Variants in PTAR1 observed in about 807,000 individuals in gnomAD.
PTAR1 encodes the protein protein prenyltransferase alpha subunit repeat containing 1, also known as protein prenyltransferase alpha subunit repeat-containing protein 1.
A neutral mutation model predicts 45.5 loss-of-function variants in PTAR1; 17 were observed. The observed-to-expected ratio is 0.37, with a 90% CI of 0.26 to 0.56. The LOEUF is 0.56. Among genes scored for constraint, PTAR1 ranks in the 20% least tolerant of loss-of-function variants. The pLI is 0.77. For synonymous variants in PTAR1, 169 were observed against 171.3 expected (o/e 0.99, Z 0.11); for missense variants, 391 against 476.3 (o/e 0.82, Z 1.67).
chr9:69,732,419 T>C, intron 4 of PTAR1, 67 bp from the exon 5 acceptor site: 1 of 1,130,324 alleles, frequency 8.8e-7, no homozygotes. Flanking sequence ...AATAACCAGT[T>C]TTCATTGTTC....
chr9:69,746,170 T>G (rs1198207193), intron 2 of PTAR1, among the ~76,000 whole-genome samples: 1 of 152,158 alleles, frequency 6.6e-6, no homozygotes, highest in African/African-American at 2.4e-5. Flanking sequence ...AGGGGTAAAG[T>G]GCAATGACAG....
At chr9:69,738,235 A>G (rs1825879956) in intron 3 of PTAR1, among the ~76,000 whole-genome samples, 1 of 152,210 alleles carries the variant, frequency 6.6e-6, no homozygotes, top group South Asian at 2.1e-4. Flanking sequence ...CCAAAGAGGT[A>G]AAGTGACATT....
intron 5 of PTAR1, among the ~76,000 whole-genome samples, chr9:69,724,582 C>G (rs7047336): frequency 6.6e-6 from 1 of 151,594 alleles, no homozygotes; most frequent in Admixed American, 6.6e-5. Flanking sequence ...AATGCCTTCT[C>G]CTGTACCATG....
intron 1 of PTAR1, among the ~76,000 whole-genome samples, chr9:69,752,164 T>C (rs1826562534): frequency 6.6e-6 from 1 of 152,032 alleles, no homozygotes; most frequent in Non-Finnish European, 1.5e-5. Context: ...AATGAACTGG[T>C]TTTCAGAGTT....
intron 5 of PTAR1, 55 bp downstream of exon 5, chr9:69,732,084 C>A: frequency 1.5e-6 from 2 of 1,291,158 alleles, no homozygotes; most frequent in Admixed American, 3.9e-5. Flanking sequence ...GAACTACTAC[C>A]AGAAGATTTT....
In PTAR1 at chr9:69,718,568, G is replaced by C. The variant is rs1388913173; in HGVS notation, c.983C>G (p.Ala328Gly). ...CATTGCTTGAGACAGCTGGGAGCCT[G>C]CTGGGATAAGGTGCAAGTCACTCAA... is the stretch of plus-strand genomic sequence containing the variant. Reference protein sequence around the residue: ...HIFYLQHHLNAGSQLSQAMEV... With the variant: ...HIFYLQHHLNGGSQLSQAMEV... The change falls in exon 8 of 8, where the codon GCA (alanine) becomes GGA (glycine). Residue 328 changes from alanine (A) to glycine (G), a missense_variant and splice_region_variant. Physicochemically the swap from Ala to Gly is moderately conservative, Grantham distance 60 (BLOSUM62 0). Around this residue, in one of 5 missense-constraint regions of PTAR1, gnomAD observed 181 missense variants for 227.7 expected, o/e 0.80. Coordinates refer to ENST00000340434, the MANE Select transcript of PTAR1 (RefSeq NM_001099666.2). The C allele has an allele frequency of 6.2e-7, 1 of 1,613,584 alleles. No homozygotes were observed. Among genetic ancestry groups the C allele is most frequent in the African/African-American group, 1.3e-5 (1 of 74,926 alleles).
rs1488198777 is a variant in PTAR1, at chr9:69,734,214, C to T, written c.364G>A (p.Asp122Asn). The change falls in exon 4 of 8, where the codon GAT becomes AAT. Residue 122 changes from aspartate (D) to asparagine (N), a missense_variant. Asp to Asn is a conservative substitution (Grantham distance 23, BLOSUM62 1). Coordinates refer to ENST00000340434, the MANE Select transcript of PTAR1 (RefSeq NM_001099666.2). ...ILSGTLNPIKDLHLGKLALTK... is the reference protein window; with the variant it reads ...ILSGTLNPIKNLHLGKLALTK... ...AAGGCGAGTTTTCCCAGATGTAAAT[C>T]CTTAATTGGATTTAAAGTGCCAGAG... 7.0e-7 allele frequency: 1 copy of T among 1,434,766 alleles called. No individual in the cohort carries two copies. The highest frequency in any genetic ancestry group is 1.9e-5 in the Admixed American group (1 of 52,528). 88.9% of individuals were successfully genotyped at this position (1,434,766 alleles called of 1,614,324 possible). A position where few individuals can be genotyped will look rare whatever the true frequency, so the allele number is the denominator to read the frequency against.
chr9:69,721,412 A>C (rs376731281), intron 6 of PTAR1, among the ~76,000 whole-genome samples: 1 of 152,226 alleles, frequency 6.6e-6, no homozygotes, highest in African/African-American at 2.4e-5. Flanking sequence ...AAACAAAAAA[A>C]AGTGGTTTCC....
At chr9:69,741,033 A>T (rs1448538692) in intron 3 of PTAR1, among the ~76,000 whole-genome samples, 1 of 152,214 alleles carries the variant, frequency 6.6e-6, no homozygotes, top group East Asian at 1.9e-4. Context: ...CTCAATAGCC[A>T]CATGTGGCTA....
chr9:69,748,232 G>C (rs2134156994), intron 2 of PTAR1, among the ~76,000 whole-genome samples: 1 of 152,184 alleles, frequency 6.6e-6, no homozygotes, highest in East Asian at 1.9e-4. Context: ...AGAGGAGCAA[G>C]AAAAGATGGC....
chr9:69,743,877 T>C (rs970747047), intron 2 of PTAR1, among the ~76,000 whole-genome samples: 1 of 152,146 alleles, frequency 6.6e-6, no homozygotes, highest in Non-Finnish European at 1.5e-5. Context: ...GCAAAATAAT[T>C]ATGAAGTAGA....
intron 1 of PTAR1, 45 bp from the exon 2 acceptor site, chr9:69,750,995 A>G (rs1371529022): frequency 1.6e-6 from 2 of 1,289,950 alleles, no homozygotes; most frequent in Admixed American, 5.6e-5. Flanking sequence ...AAGGATACTA[A>G]CCTTTTCAAC....
chr9:69,723,468 G>C lies in PTAR1; in HGVS notation c.805C>G (p.Leu269Val). The change falls in exon 6 of 8, where the codon CTA (leucine) becomes GTA (valine). Residue 269 changes from leucine (L) to valine (V), a missense_variant. Leu to Val is a conservative substitution (Grantham distance 32). Coordinates refer to ENST00000340434, the MANE Select transcript of PTAR1 (RefSeq NM_001099666.2). ...EQNPLRSEPA[L>V]VPPKDEEAAV... ...GCTTCTTCATCTTTTGGAGGAACTA[G>C]GGCTGGCTCACTTCTCAAAGGATTT... 6.2e-7 allele frequency: 1 copy of C among 1,613,854 alleles called. No homozygotes were observed. The highest frequency in any genetic ancestry group is 8.5e-7 in the Non-Finnish European group (1 of 1,179,840).
chr9:69,756,599 C>T (rs572944894), intron 1 of PTAR1, among the ~76,000 whole-genome samples: 1 of 152,138 alleles, frequency 6.6e-6, no homozygotes, highest in Non-Finnish European at 1.5e-5. Flanking sequence ...CCACACTTTG[C>T]TTGTTTAGGT....
chr9:69,749,812 C>A (rs948702959), intron 2 of PTAR1, among the ~76,000 whole-genome samples: 3 of 152,202 alleles, frequency 2.0e-5, no homozygotes, highest in South Asian at 2.1e-4. Flanking sequence ...TGTAAGCTTC[C>A]TGAATAAAGG....
intron 5 of PTAR1, among the ~76,000 whole-genome samples, chr9:69,728,284 G>T (rs1017531985): frequency 6.6e-6 from 1 of 151,986 alleles, no homozygotes; most frequent in East Asian, 1.9e-4. Flanking sequence ...CTTCTCTTGG[G>T]TATATACCTA....
At chr9:69,724,985 A>G (rs939374055) in intron 5 of PTAR1, among the ~76,000 whole-genome samples, 1 of 152,202 alleles carries the variant, frequency 6.6e-6, no homozygotes, top group Non-Finnish European at 1.5e-5. Context: ...AGTATCTGAG[A>G]AATGGAAAAC....
At chr9:69,724,774 C>T (rs1247005793) in intron 5 of PTAR1, among the ~76,000 whole-genome samples, 2 of 152,172 alleles carry the variant, frequency 1.3e-5, no homozygotes, top group African/African-American at 4.8e-5. Flanking sequence ...ATACTTCAAT[C>T]CCCCTATACC....
Position 69,741,874 on chromosome 9 carries a change from G to A in PTAR1, c.257-16C>T. 6.5e-7 allele frequency: 1 copy of A among 1,539,560 alleles called. No individual in the cohort carries two copies. The highest frequency in any genetic ancestry group is 1.4e-5 in the African/African-American group (1 of 73,404). Reference sequence around the variant, plus strand: ...TCTATCAATTCTAAAATAAAGAGAAGTCATATTAAAAACAAATAGTCCTAC... The same window carrying A: ...TCTATCAATTCTAAAATAAAGAGAAATCATATTAAAAACAAATAGTCCTAC... On this transcript the variant is annotated splice_polypyrimidine_tract_variant and intron_variant, in intron 2 of 7. Coordinates refer to ENST00000340434, the MANE Select transcript of PTAR1 (RefSeq NM_001099666.2).
Sources: gnomAD v4.1 joint callset for allele counts (sites outside exome capture counted in the v4.1 genomes callset) on GRCh38, gnomAD v4.1.1 for gene constraint, gnomAD v4.1.1 regional missense constraint, MANE v1.5 for transcripts, NCBI Gene and HGNC (gene_info 2026-07-23, HGNC 2026-07-21) for gene names.